The following PAN3 variants were observed in gnomAD, a reference collection of about 807,000 sequenced individuals.
PAN3 encodes PAN2-PAN3 deadenylation complex subunit PAN3.
PAN3 carries 19 observed loss-of-function variants against 96.2 expected under a neutral mutation model. That is an observed-to-expected ratio of 0.20 (90% CI 0.14 to 0.29). The LOEUF (loss-of-function observed/expected upper bound fraction) is 0.29. Among genes scored for constraint, PAN3 ranks in the 10% least tolerant of loss-of-function variants. PAN3 has a pLI of 1.00. For missense variants in PAN3, 882 were observed against 1,108.1 expected, an observed-to-expected ratio of 0.80 and a Z score of 2.90; for synonymous variants, 433 against 406.6, an observed-to-expected ratio of 1.06 and a Z score of -0.78.
Position 28,293,485 on chromosome 13 carries a change from G to A in PAN3, c.*963G>A, listed in dbSNP as rs1378221037. On this transcript the variant is annotated 3_prime_UTR_variant, in exon 19 of 19. Coordinates refer to ENST00000380958, the MANE Select transcript of PAN3 (RefSeq NM_175854.8). Reference sequence around the variant, plus strand: ...CTTTATTATGGTCCTTTACACTGGAGACAGACACAGAGACACTGTTCAGAA... The same window carrying A: ...CTTTATTATGGTCCTTTACACTGGAAACAGACACAGAGACACTGTTCAGAA... 1 of 141,316 alleles carries A rather than the reference G, an allele frequency of 7.1e-6. No homozygotes were observed. The highest frequency in any genetic ancestry group is 2.7e-5 in the African/African-American group (1 of 37,372). The allele number at this position is 141,316 out of a possible 1,614,324, so 8.8% of individuals were successfully genotyped here.
intron 1 of PAN3, among the ~76,000 whole-genome samples, chr13:28,173,813 C>G (rs983279878): frequency 6.6e-5 from 10 of 152,204 alleles, no homozygotes; most frequent in African/African-American, 2.4e-4. Flanking sequence ...CCTATTGCTA[C>G]CTCTGCAGAT....
intron 4 of PAN3, among the ~76,000 whole-genome samples, chr13:28,194,891 T>A (rs1877825775): frequency 6.6e-6 from 1 of 152,210 alleles, no homozygotes; most frequent in Non-Finnish European, 1.5e-5. Context: ...TTCCAAGGAA[T>A]TAAGTTACTA....
At chr13:28,248,993 A>G (rs937372152) in intron 6 of PAN3, among the ~76,000 whole-genome samples, 1 of 152,148 alleles carries the variant, frequency 6.6e-6, no homozygotes, top group Non-Finnish European at 1.5e-5. Flanking sequence ...TATTAAATAT[A>G]TGATTTGCAA....
rs561995624 is a variant in PAN3, at chr13:28,292,875, A to G, written c.*353A>G. On this transcript the variant is annotated 3_prime_UTR_variant, in exon 19 of 19. Transcript: ENST00000380958. ...ACTTTTGCCACATTGTATACTTATAATGGGAAACTTTGCAAGGACATTTTT... is the reference window on the plus strand; with the variant it reads ...ACTTTTGCCACATTGTATACTTATAGTGGGAAACTTTGCAAGGACATTTTT... 38 of 156,714 alleles carry G rather than the reference A, an allele frequency of 2.4e-4. No individual in the cohort carries two copies. The highest frequency in any genetic ancestry group is 4.4e-4 in the Non-Finnish European group (31 of 70,780). The allele number at this position is 156,714 out of a possible 1,614,324, so 9.7% of individuals were successfully genotyped here. A position where few individuals can be genotyped will look rare whatever the true frequency, so the allele number is the denominator to read the frequency against.
intron 1 of PAN3, among the ~76,000 whole-genome samples, chr13:28,152,916 T>TG (rs1028225283): frequency 3.9e-5 from 6 of 152,112 alleles, no homozygotes; most frequent in African/African-American, 1.2e-4. Context: ...TGTGTGGGTA[T>TG]GGGGGGGAAA....
intron 6 of PAN3, among the ~76,000 whole-genome samples, chr13:28,238,647 G>C (rs1883320410): frequency 6.6e-6 from 1 of 152,076 alleles, no homozygotes. Flanking sequence ...ATGAAAAGTT[G>C]TATTGGCCAC....
At chr13:28,154,376 C>T (rs151323460) in intron 1 of PAN3, among the ~76,000 whole-genome samples, 120 of 151,806 alleles carry the variant, frequency 7.9e-4, no homozygotes, top group African/African-American at 2.6e-3. Flanking sequence ...ATTTCTGTTT[C>T]GGGATTTTTT....
chr13:28,184,724 C>T (rs1161339511), intron 4 of PAN3, among the ~76,000 whole-genome samples: 2 of 152,108 alleles, frequency 1.3e-5, no homozygotes, highest in South Asian at 2.1e-4. Context: ...TGTAATTTCA[C>T]AGGCAAAAAA....
intron 1 of PAN3, among the ~76,000 whole-genome samples, chr13:28,172,491 T>C (rs1294018588): frequency 6.6e-6 from 1 of 152,162 alleles, no homozygotes; most frequent in Non-Finnish European, 1.5e-5. Context: ...TATCATTTTC[T>C]ATAACAGTTT....
chr13:28,163,132 T>C lies in PAN3; in HGVS notation c.431-11140T>C, dbSNP rs185182011. 4.0e-5 allele frequency among the ~76,000 whole-genome samples: 6 copies of C among 151,738 alleles called. No homozygotes were observed. The East Asian group carries it at 1.2e-3, about 30-fold the overall frequency. ...GATGACAGCTCACTGCAGCCTCAAT[T>C]TCCTAAGCCCAGGAGTTCGAGACCA... On this transcript the variant is annotated intron_variant, in intron 1 of 18. Coordinates refer to ENST00000380958, the MANE Select transcript of PAN3 (RefSeq NM_175854.8).
intron 1 of PAN3, among the ~76,000 whole-genome samples, chr13:28,155,122 C>A (rs572420532): frequency 4.3e-4 from 65 of 151,908 alleles, no homozygotes; most frequent in African/African-American, 1.5e-3. Context: ...GGCGACTTTG[C>A]GGTTTTTAAA....
At chr13:28,272,686 C>T (rs1886732012) in intron 14 of PAN3, among the ~76,000 whole-genome samples, 1 of 151,980 alleles carries the variant, frequency 6.6e-6, no homozygotes, top group African/African-American at 2.4e-5. Context: ...TCTCCTGCCT[C>T]AGCCTCCCGA....
intron 6 of PAN3, among the ~76,000 whole-genome samples, chr13:28,255,096 A>G (rs144838715): frequency 1.2e-4 from 18 of 152,284 alleles, no homozygotes; most frequent in Non-Finnish European, 2.5e-4. Context: ...AGAAATTGAA[A>G]CTCATATCCC....
At position 28,266,815 on chromosome 13, in the gene PAN3, A is replaced by G. The variant is rs1188855106; in HGVS notation, c.1512A>G (p.Thr504=). 4 of 1,611,756 alleles carry G rather than the reference A, an allele frequency of 2.5e-6. No homozygotes were observed. Among genetic ancestry groups the G allele is most frequent in the African/African-American group, 1.3e-5 (1 of 74,880 alleles). ...IQKSSNFGYI[T]SCYKAVNSKD... is the part of the protein sequence containing the mutation. ...AATCAAGTAATTTTGGATATATTAC[A>G]TCTTGCTACAAAGCTGTAAACAGCA... The change falls in exon 10 of 19, where the codon ACA becomes ACG. Residue 504 remains threonine (T), a synonymous_variant. Coordinates refer to ENST00000380958, the MANE Select transcript of PAN3 (RefSeq NM_175854.8).
intron 1 of PAN3, among the ~76,000 whole-genome samples, chr13:28,147,519 CAGAATGCTTACATTAGCT>C (rs1870823413): frequency 6.6e-6 from 1 of 152,120 alleles, no homozygotes; most frequent in African/African-American, 2.4e-5. Flanking sequence ...TAAATAGGCC[CAGAATGCTTACATTAGCT>C]ACAGTTGGGC....
intron 6 of PAN3, among the ~76,000 whole-genome samples, chr13:28,229,498 CTT>C (rs781680098): frequency 1.3e-5 from 2 of 152,174 alleles, no homozygotes; most frequent in Non-Finnish European, 2.9e-5. Context: ...TACACTGACT[CTT>C]TACATATCCA....
intron 1 of PAN3, among the ~76,000 whole-genome samples, chr13:28,158,915 G>C (rs1872558532): frequency 6.6e-6 from 1 of 150,828 alleles, no homozygotes; most frequent in African/African-American, 2.4e-5. Flanking sequence ...CTAATCATTA[G>C]AGAAATGCAA....
chr13:28,155,743 A>G (rs992447073), intron 1 of PAN3, among the ~76,000 whole-genome samples: 4 of 152,202 alleles, frequency 2.6e-5, no homozygotes, highest in African/African-American at 9.7e-5. Context: ...ATATACATAA[A>G]ATGTATAACA....
Position 28,275,846 on chromosome 13 carries a change from A to G in PAN3, c.2050-1391A>G, listed in dbSNP as rs181151973. On this transcript the variant is annotated intron_variant, in intron 14 of 18. Transcript: ENST00000380958. ...CTTTGAATCTTTTCTAATAGATTCA[A>G]AGTAGTTTGTCTACCTAATCAGTCT... Among the ~76,000 whole-genome samples the G allele has an allele frequency of 3.1e-3, 472 of 152,334 alleles. 3 individuals carry two copies. Among genetic ancestry groups the G allele is most frequent in the African/African-American group, 0.011 (455 of 41,584 alleles).
Sources: gnomAD v4.1 joint callset for allele counts (sites outside exome capture counted in the v4.1 genomes callset) on GRCh38, gnomAD v4.1.1 for gene constraint, MANE v1.5 for transcripts, NCBI Gene and HGNC (gene_info 2026-07-23, HGNC 2026-07-21) for gene names.